Variants in KLHDC2 observed in about 807,000 individuals in gnomAD.
KLHDC2 encodes kelch domain containing 2, also known as kelch domain-containing protein 2.
In KLHDC2, 38 loss-of-function variants were observed where a neutral mutation model predicts 62.3. The observed-to-expected ratio is 0.61, with a 90% CI of 0.47 to 0.80. The LOEUF (loss-of-function observed/expected upper bound fraction) is 0.80, where lower values mean the gene tolerates loss of function less well. Ranked by LOEUF, KLHDC2 falls within the 30% of genes least tolerant of loss-of-function variation. The probability of loss-of-function intolerance (pLI) is 0.00; values close to 1 mark genes in which losing one functional copy is unlikely to be tolerated. For synonymous variants in KLHDC2, 159 were observed against 161.0 expected (o/e 0.99, Z 0.09); for missense variants, 430 against 495.3 (o/e 0.87, Z 1.25).
At position 49,784,112 on chromosome 14, in the gene KLHDC2, T is replaced by C. The variant is rs1160795220; in HGVS notation, c.*1159T>C. 6.6e-6 allele frequency: 1 copy of C among 151,502 alleles called. No homozygotes were observed. The highest frequency in any genetic ancestry group is 1.5e-5 in the Non-Finnish European group (1 of 68,038). 9.4% of individuals were successfully genotyped at this position (151,502 alleles called of 1,614,324 possible). A position where few individuals can be genotyped will look rare whatever the true frequency, so the allele number is the denominator to read the frequency against. On this transcript the variant is annotated 3_prime_UTR_variant, in exon 13 of 13. Coordinates refer to ENST00000298307, the MANE Select transcript of KLHDC2 (RefSeq NM_014315.3). ...AAAATGTAGAATAACTACAGATGTA[T>C]ATAATTAGCATTTAACTGTCCACAA...
chr14:49,775,518 G>A (rs1889751884), intron 3 of KLHDC2, among the ~76,000 whole-genome samples: 1 of 152,058 alleles, frequency 6.6e-6, no homozygotes, highest in Non-Finnish European at 1.5e-5. Context: ...GTGGGATGAG[G>A]GAACAGAACA....
intron 2 of KLHDC2, among the ~76,000 whole-genome samples, chr14:49,774,198 C>T (rs1312960359): frequency 6.6e-6 from 1 of 152,208 alleles, no homozygotes; most frequent in Admixed American, 6.5e-5. Flanking sequence ...TTGAGGTTTT[C>T]CTTCTGGGCT....
At position 49,784,515 on chromosome 14, in the gene KLHDC2, G is replaced by T; in HGVS notation, c.*1562G>T. On this transcript the variant is annotated 3_prime_UTR_variant, in exon 13 of 13. Transcript: ENST00000298307. The stretch of plus-strand genomic sequence containing the variant: ...GAAGTAAGTCCTTTTGGTGAATATA[G>T]CAAGGCAATGTTTAGTTCATTTTTA... 1 of 673,754 alleles carries T rather than the reference G, an allele frequency of 1.5e-6. No individual in the cohort carries two copies. Among genetic ancestry groups the T allele is most frequent in the Non-Finnish European group, 2.5e-6 (1 of 393,016 alleles). 41.7% of individuals were successfully genotyped at this position (673,754 alleles called of 1,614,324 possible).
chr14:49,776,431 C>T (rs1889774299), intron 3 of KLHDC2, among the ~76,000 whole-genome samples: 1 of 151,930 alleles, frequency 6.6e-6, no homozygotes, highest in Non-Finnish European at 1.5e-5. Context: ...GGATGTGAAC[C>T]CTTTAAAGGA....
At position 49,782,469 on chromosome 14, in the gene KLHDC2, A is replaced by G. The variant is rs576002003; in HGVS notation, c.1044+12A>G. 255 of 1,604,246 alleles carry G rather than the reference A, an allele frequency of 1.6e-4. 1 individual carries two copies. In the Middle Eastern group the frequency reaches 2.0e-3, roughly 13 times the overall value. Reference sequence around the variant, plus strand: ...TCCATCACAGAGCTGTAAGTATACTACCTTCACATTATTACTGAAACTTAC... The same window carrying G: ...TCCATCACAGAGCTGTAAGTATACTGCCTTCACATTATTACTGAAACTTAC... On this transcript the variant is annotated intron_variant, in intron 11 of 12. Transcript: ENST00000298307.
chr14:49,776,721 C>G (rs555376640), intron 3 of KLHDC2, among the ~76,000 whole-genome samples: 10 of 152,076 alleles, frequency 6.6e-5, no homozygotes, highest in South Asian at 4.2e-4. Flanking sequence ...GAGTTTGAGA[C>G]CAGCCTGGCC....
chr14:49,780,015 G>T, intron 8 of KLHDC2, 198 bp from the exon 9 acceptor site: 2 of 616,608 alleles, frequency 3.2e-6, no homozygotes. Flanking sequence ...CTCAGTGTTT[G>T]TTGAAAGGAA....
Position 49,773,404 on chromosome 14 carries a change from A to AC in KLHDC2, c.234-1156dup, listed in dbSNP as rs372312482. Among the ~76,000 whole-genome samples the AC allele has an allele frequency of 5.1e-3, 372 of 73,176 alleles. 1 individual carries two copies. Among genetic ancestry groups the AC allele is most frequent in the African/African-American group, 0.019 (356 of 18,576 alleles). The allele number at this position is 73,176 out of a possible 152,430, so 48.0% of individuals were successfully genotyped here. ...ACTCCAGCCTGGGCGAAAGAGTCAG[A>AC]CTCCATCTCAAAAAAAAAAAAAAAA... On this transcript the variant is annotated intron_variant, in intron 2 of 12. Coordinates refer to ENST00000298307, the MANE Select transcript of KLHDC2 (RefSeq NM_014315.3).
intron 2 of KLHDC2, among the ~76,000 whole-genome samples, chr14:49,774,082 C>G (rs112247561): frequency 1.3e-3 from 196 of 152,302 alleles, no homozygotes; most frequent in African/African-American, 4.5e-3. Context: ...TGGCACATGG[C>G]ACTACCTGTT....
intron 3 of KLHDC2, among the ~76,000 whole-genome samples, chr14:49,775,770 G>A (rs1889760379): frequency 6.6e-6 from 1 of 152,002 alleles, no homozygotes; most frequent in South Asian, 2.1e-4. Context: ...GGGATTACAG[G>A]CATGCATCAC....
intron 4 of KLHDC2, 26 bp downstream of exon 4, chr14:49,777,980 G>C (rs746574003): frequency 2.1e-6 from 3 of 1,408,664 alleles, no homozygotes; most frequent in Non-Finnish European, 3.0e-6. Flanking sequence ...TACAGGTTTG[G>C]GTTTTTATGT....
chr14:49,768,763 G>A (rs2139786294), intron 1 of KLHDC2, 142 bp downstream of exon 1: 1 of 755,306 alleles, frequency 1.3e-6, no homozygotes, highest in Non-Finnish European at 2.0e-6. Flanking sequence ...CTGCCCGTTG[G>A]TTGTTTTTTT....
rs775869943 is a variant in KLHDC2 at position 49,782,830 on chromosome 14, G to C, written c.1098G>C (p.Arg366=). ...IFSVQPKSLV[R]LSLEAVICFK... ...TTTCTCTTTCCTTGTCCACTTTCAG[G>C]CTAAGCTTAGAAGCAGTCATTTGCT... Residue 366 remains arginine (R), a splice_region_variant and synonymous_variant, in exon 13 of 13, where the codon CGG becomes CGC. Coordinates refer to ENST00000298307, the MANE Select transcript of KLHDC2 (RefSeq NM_014315.3). The C allele has an allele frequency of 6.8e-6, 11 of 1,611,788 alleles. No individual in the cohort carries two copies. The highest frequency in any genetic ancestry group is 9.3e-6 in the Non-Finnish European group (11 of 1,179,328).
rs1889592795 is a variant in KLHDC2 at position 49,768,562 on chromosome 14, CG to C, written c.95del (p.Arg32ProfsTer5). ...ESMELACPAE[R>X]SGHVAVSDGR... ...CATGGAGCTTGCCTGCCCCGCTGAGCGCAGCGGCCACGTAGCCGTCAGCGAC... is the reference window on the plus strand; with the variant it reads ...CATGGAGCTTGCCTGCCCCGCTGAGCCAGCGGCCACGTAGCCGTCAGCGAC... On this transcript the variant is annotated frameshift_variant, in exon 1 of 13. Coordinates refer to ENST00000298307, the MANE Select transcript of KLHDC2 (RefSeq NM_014315.3). LOFTEE classifies it high-confidence loss of function. The C allele has an allele frequency of 6.2e-7, 1 of 1,607,772 alleles. No individual in the cohort carries two copies. Among genetic ancestry groups the C allele is most frequent in the Non-Finnish European group, 8.5e-7 (1 of 1,177,870 alleles).
At chr14:49,773,641 A>G (rs113762909) in intron 2 of KLHDC2, among the ~76,000 whole-genome samples, 3 of 145,542 alleles carry the variant, frequency 2.1e-5, no homozygotes, top group African/African-American at 5.1e-5. Context: ...CAGTGGCGCA[A>G]TCTCGACTCG....
chr14:49,781,288 G>A (rs1889894643), intron 10 of KLHDC2, among the ~76,000 whole-genome samples: 3 of 147,036 alleles, frequency 2.0e-5, no homozygotes, highest in Non-Finnish European at 4.5e-5. Flanking sequence ...ACAATTGCCT[G>A]AACCAGGAAG....
chr14:49,774,713 TTTATTC>T, intron 3 of KLHDC2, 35 bp downstream of exon 3: 1 of 1,215,220 alleles, frequency 8.2e-7, no homozygotes, highest in Non-Finnish European at 1.2e-6. Flanking sequence ...TTGAGGCATT[TTTATTC>T]TTATTATCTT....
In KLHDC2 at chr14:49,783,598, A is replaced by G. The variant is rs1323255734; in HGVS notation, c.*645A>G. ...GGAAATAATGATGACATCATTTTCC[A>G]TTCTGTTAAGAGACAGAGGAAAAGT... On this transcript the variant is annotated 3_prime_UTR_variant, in exon 13 of 13. Transcript: ENST00000298307. 5.3e-5 allele frequency: 8 copies of G among 152,152 alleles called. No individual in the cohort carries two copies. Among genetic ancestry groups the G allele is most frequent in the Admixed American group, 1.3e-4 (2 of 15,270 alleles). The allele number at this position is 152,152 out of a possible 1,614,324, so 9.4% of individuals were successfully genotyped here.
chr14:49,777,920 A>C lies in KLHDC2; in HGVS notation c.433A>C (p.Lys145Gln), dbSNP rs1348272094. 1 of 1,611,988 alleles carries C rather than the reference A, an allele frequency of 6.2e-7. No individual in the cohort carries two copies. The highest frequency in any genetic ancestry group is 1.7e-5 in the Admixed American group (1 of 59,764). ...IDCQGIPPSSKDKLGVWVYKN... is the reference protein window; with the variant it reads ...IDCQGIPPSSQDKLGVWVYKN... ...TTGCCAAGGAATTCCTCCATCATCAAAGGACAAACTTGGTGTCTGGGTATA... is the reference window on the plus strand; with the variant it reads ...TTGCCAAGGAATTCCTCCATCATCACAGGACAAACTTGGTGTCTGGGTATA... Residue 145 changes from lysine to glutamine, a missense_variant, in exon 4 of 13, where the codon AAG becomes CAG. Transcript: ENST00000298307.
Sources: allele counts gnomAD v4.1 joint callset (sites outside exome capture counted in the v4.1 genomes callset), GRCh38; gene constraint gnomAD v4.1.1; transcripts MANE v1.5; gene names NCBI Gene and HGNC (gene_info 2026-07-23, HGNC 2026-07-21).